The following KCNU1 variants were observed in gnomAD, a reference collection of about 807,000 sequenced individuals.
KCNU1 encodes potassium channel subfamily U member 1.
In KCNU1, 93 loss-of-function variants were observed where a neutral mutation model predicts 126.8. The observed-to-expected ratio is 0.73, with a 90% CI of 0.62 to 0.87. The LOEUF is 0.87. Ranked by LOEUF, KCNU1 falls within the 40% of genes least tolerant of loss-of-function variation. The probability of loss-of-function intolerance (pLI) is 0.00; values close to 1 mark genes in which losing one functional copy is unlikely to be tolerated. For synonymous variants in KCNU1, 523 were observed against 494.2 expected, an observed-to-expected ratio of 1.06 and a Z score of -0.77; for missense variants, 1,330 against 1,367.1, an observed-to-expected ratio of 0.97 and a Z score of 0.43.
chr8:36,824,181 C>T (rs957842395), intron 10 of KCNU1, among the ~76,000 whole-genome samples: 2 of 152,100 alleles, frequency 1.3e-5, no homozygotes, highest in African/African-American at 2.4e-5. Flanking sequence ...CAAAAAATCA[C>T]TTAGAATTAA....
chr8:36,930,107 G>A (rs1808654753), intron 24 of KCNU1, among the ~76,000 whole-genome samples: 1 of 151,822 alleles, frequency 6.6e-6, no homozygotes, highest in South Asian at 2.1e-4. Context: ...TTTTAATAAA[G>A]CAAAAGTCTA....
At chr8:36,848,078 A>G (rs1006759246) in intron 18 of KCNU1, among the ~76,000 whole-genome samples, 11 of 152,238 alleles carry the variant, frequency 7.2e-5, no homozygotes, top group African/African-American at 2.7e-4. Context: ...TAATGATGTT[A>G]AACATACTTA....
At chr8:36,850,309 G>A (rs1400585338) in intron 18 of KCNU1, among the ~76,000 whole-genome samples, 1 of 152,024 alleles carries the variant, frequency 6.6e-6, no homozygotes, top group East Asian at 1.9e-4. Flanking sequence ...GTTTAGTTTT[G>A]ATGATGTTCA....
intron 19 of KCNU1, among the ~76,000 whole-genome samples, chr8:36,896,053 T>C (rs560448825): frequency 4.1e-4 from 62 of 152,172 alleles, no homozygotes; most frequent in South Asian, 2.9e-3. Context: ...TTGCAATTAA[T>C]TTTGATTATA....
At chr8:36,853,782 C>T (rs1359369168) in intron 18 of KCNU1, among the ~76,000 whole-genome samples, 6 of 151,816 alleles carry the variant, frequency 4.0e-5, no homozygotes, top group East Asian at 1.9e-4. Context: ...TTTATAGGGT[C>T]GGTTAAGTAT....
chr8:36,834,066 T>A (rs1804658699), intron 11 of KCNU1, among the ~76,000 whole-genome samples: 1 of 152,202 alleles, frequency 6.6e-6, no homozygotes, highest in Non-Finnish European at 1.5e-5. Context: ...TGCATGGATA[T>A]GCTTTCCAAT....
intron 19 of KCNU1, among the ~76,000 whole-genome samples, chr8:36,874,105 G>A (rs1226053442): frequency 6.6e-6 from 1 of 151,966 alleles, no homozygotes; most frequent in Non-Finnish European, 1.5e-5. Flanking sequence ...AAATGAAAAG[G>A]AACAGATATT....
At chr8:36,830,349 T>C (rs1313068033) in intron 10 of KCNU1, among the ~76,000 whole-genome samples, 1 of 151,994 alleles carries the variant, frequency 6.6e-6, no homozygotes, top group East Asian at 1.9e-4. Context: ...ATTTTAAAGA[T>C]ATTTGTTGGG....
intron 18 of KCNU1, among the ~76,000 whole-genome samples, chr8:36,859,072 T>C (rs1214506839): frequency 1.3e-5 from 2 of 152,200 alleles, no homozygotes; most frequent in East Asian, 3.8e-4. Context: ...TGCCAGATGA[T>C]GGCAGCAGAG....
In KCNU1 at chr8:36,807,300, A is replaced by T. The variant is rs1428320294; in HGVS notation, c.581-75A>T. On this transcript the variant is annotated intron_variant, in intron 5 of 26. Transcript: ENST00000399881. The stretch of plus-strand genomic sequence containing the variant: ...AAGAAAAAGAATGTAAGTGATTCCA[A>T]TGCTGTTATAACGTAGGCTCCCTCT... 4.2e-6 allele frequency: 4 copies of T among 960,958 alleles called. No individual in the cohort carries two copies. In the African/African-American group the frequency reaches 6.5e-5, roughly 16 times the overall value. The allele number at this position is 960,958 out of a possible 1,614,324, so 59.5% of individuals were successfully genotyped here.
intron 14 of KCNU1, among the ~76,000 whole-genome samples, chr8:36,838,646 G>A (rs1457690173): frequency 6.6e-6 from 1 of 152,090 alleles, no homozygotes; most frequent in Non-Finnish European, 1.5e-5. Flanking sequence ...GCAGTGAGCT[G>A]AGATCACGCC....
At position 36,845,805 on chromosome 8, in the gene KCNU1, C is replaced by G. The variant is rs61752585; in HGVS notation, c.1797C>G (p.Ala599=). ...IAETPKDVRR[A]LFYCSVCHDD... ...TTGGTTTTCTTTCATTGTCCAGAGC[C>G]TTGTTTTACTGTTCAGTCTGTCATG... Residue 599 remains alanine, a synonymous_variant, in exon 18 of 27, where the codon GCC becomes GCG. Transcript: ENST00000399881. The G allele has an allele frequency of 0.019, 29,774 of 1,604,434 alleles. 380 individuals are homozygous for G. Among genetic ancestry groups the G allele is most frequent in the Non-Finnish European group, 0.022 (25,838 of 1,172,326 alleles).
intron 14 of KCNU1, 124 bp downstream of exon 14, chr8:36,837,069 T>G: frequency 1.2e-6 from 1 of 865,262 alleles, no homozygotes; most frequent in East Asian, 2.4e-5. Flanking sequence ...GACTTCTGCT[T>G]GAGCTGGGAA....
At chr8:36,803,966 G>T (rs1486548043) in intron 2 of KCNU1, 61 bp from the exon 3 acceptor site, 7 of 1,124,202 alleles carry the variant, frequency 6.2e-6, no homozygotes, top group African/African-American at 3.1e-5. Context: ...ACACACTTTT[G>T]TCGATTTATT....
At chr8:36,809,693 T>C (rs1250060171) in intron 7 of KCNU1, among the ~76,000 whole-genome samples, 3 of 152,026 alleles carry the variant, frequency 2.0e-5, no homozygotes. Flanking sequence ...AACCTTAGAG[T>C]CCTGGGCCCA....
intron 11 of KCNU1, 94 bp downstream of exon 11, chr8:36,833,753 A>G: frequency 1.4e-6 from 1 of 696,696 alleles, no homozygotes; most frequent in Non-Finnish European, 2.5e-6. Context: ...GTATTATTTC[A>G]GCTTCTTTAA....
chr8:36,890,049 T>A (rs769831226), intron 19 of KCNU1, among the ~76,000 whole-genome samples: 1 of 152,004 alleles, frequency 6.6e-6, no homozygotes, highest in Non-Finnish European at 1.5e-5. Flanking sequence ...ACAGGCAGAC[T>A]TCCTCAAACA....
At chr8:36,908,911 A>T (rs186951478) in intron 20 of KCNU1, among the ~76,000 whole-genome samples, 1 of 152,284 alleles carries the variant, frequency 6.6e-6, no homozygotes, top group East Asian at 1.9e-4. Flanking sequence ...ATAATTTAGC[A>T]TTGAATCTGG....
intron 19 of KCNU1, among the ~76,000 whole-genome samples, chr8:36,883,417 C>A (rs1244052064): frequency 6.6e-6 from 1 of 152,180 alleles, no homozygotes; most frequent in East Asian, 1.9e-4. Context: ...TACTCCTGTT[C>A]CCGCTGTCAT....
Sources: allele counts gnomAD v4.1 joint callset (sites outside exome capture counted in the v4.1 genomes callset), GRCh38; gene constraint gnomAD v4.1.1; transcripts MANE v1.5; gene names NCBI Gene and HGNC (gene_info 2026-07-23, HGNC 2026-07-21).